Variants in PDE6B observed in about 807,000 individuals in gnomAD.
PDE6B encodes rod cGMP-specific 3',5'-cyclic phosphodiesterase subunit beta.
Under a neutral mutation model 109.0 loss-of-function variants are expected in PDE6B, and 106 were observed. That is an observed-to-expected ratio of 0.97 (90% CI 0.83 to 1.14). The LOEUF is 1.14. PDE6B is among the 50% of genes most tolerant of loss of function. The probability of loss-of-function intolerance (pLI) is 0.00; values close to 1 mark genes in which losing one functional copy is unlikely to be tolerated. For missense variants in PDE6B, 1,193 were observed against 1,155.6 expected (o/e 1.03, Z -0.47); for synonymous variants, 490 against 471.3 (o/e 1.04, Z -0.51).
chr4:641,704 T>C (rs1227668194), intron 3 of PDE6B, among the ~76,000 whole-genome samples: 3 of 152,218 alleles, frequency 2.0e-5, no homozygotes, highest in East Asian at 1.9e-4. Flanking sequence ...TAGAGTGCAG[T>C]GGTGCAATCT....
rs778485085 is a variant in PDE6B at position 664,917 on chromosome 4, C to T, written c.2166C>T (p.Ile722=). 3.1e-6 allele frequency: 5 copies of T among 1,613,188 alleles called. No individual in the cohort carries two copies. Among genetic ancestry groups the T allele is most frequent in the Non-Finnish European group, 4.2e-6 (5 of 1,179,914 alleles). The change falls in exon 18 of 22, where the codon ATC becomes ATT. Residue 722 remains isoleucine, a synonymous_variant. Transcript: ENST00000496514. ...MMMTACDLSA[I]TKPWEVQSKV... is the part of the protein sequence containing the mutation. ...TGACAGCCTGCGACCTGTCTGCCAT[C>T]ACCAAGCCCTGGGAAGTCCAGAGCA... is the stretch of plus-strand genomic sequence containing the variant.
intron 3 of PDE6B, among the ~76,000 whole-genome samples, chr4:637,823 C>T (rs146594157): frequency 2.0e-5 from 3 of 152,348 alleles, no homozygotes; most frequent in East Asian, 1.9e-4. Flanking sequence ...TCCACGACAG[C>T]GCGACACATT....
At chr4:651,939 G>GCTGGGAAGT (rs1560115538) in intron 3 of PDE6B, 1 of 155,162 alleles carries the variant, frequency 6.4e-6, no homozygotes, top group Non-Finnish European at 1.4e-5. Context: ...GGCTGGGAAG[G>GCTGGGAAGT]CTGGGAGCTT....
At chr4:658,182 G>A (rs538749031) in intron 10 of PDE6B, among the ~76,000 whole-genome samples, 2 of 144,690 alleles carry the variant, frequency 1.4e-5, no homozygotes, top group African/African-American at 5.2e-5. Context: ...TATGGTGGGG[G>A]CAAGTCGCCA....
chr4:656,163 C>A, intron 7 of PDE6B, 82 bp from the exon 8 acceptor site: 1 of 1,103,464 alleles, frequency 9.1e-7, no homozygotes, highest in Non-Finnish European at 1.4e-6. Flanking sequence ...TAAAAGCTCA[C>A]CTCAGGGCCA....
In PDE6B at chr4:633,202, A is replaced by G. The variant is rs1422722842; in HGVS notation, c.469-1475A>G. On this transcript the variant is annotated intron_variant, in intron 1 of 21. Coordinates refer to ENST00000496514, the MANE Select transcript of PDE6B (RefSeq NM_000283.4). This position sits in a 1 kb window ranked among gnomAD's most constrained non-coding sequence, Gnocchi z 4.5. ...GCAGAGATGAGCCCTCAGGGGTTGC[A>G]GGTGGTGAGATGAGCCCTCCCTCAG... is the stretch of plus-strand genomic sequence containing the variant. Among the ~76,000 whole-genome samples, 1 of 152,124 alleles carries G rather than the reference A, an allele frequency of 6.6e-6. No homozygotes were observed. The highest frequency in any genetic ancestry group is 2.4e-5 in the African/African-American group (1 of 41,414).
In PDE6B at chr4:665,386, G is replaced by T; in HGVS notation, c.2268+57G>T. On this transcript the variant is annotated intron_variant, in intron 19 of 21. Transcript: ENST00000496514. The surrounding 1 kb of genome is among the most constrained non-coding windows in gnomAD (Gnocchi z 4.0). ...GAAACGGGTGTTAGAGACCCCTCTT[G>T]GTCCTCAGGAGCCTCAGGTCCTGGC... 1.6e-6 allele frequency: 2 copies of T among 1,236,990 alleles called. No homozygotes were observed. Among genetic ancestry groups the T allele is most frequent in the Non-Finnish European group, 2.4e-6 (2 of 840,856 alleles). 76.6% of individuals were successfully genotyped at this position (1,236,990 alleles called of 1,614,324 possible).
At chr4:638,696 G>T (rs73056582) in intron 3 of PDE6B, among the ~76,000 whole-genome samples, 2,295 of 152,240 alleles carry the variant, frequency 0.015, 83 homozygotes, top group African/African-American at 0.052. Context: ...TGCTAAATTG[G>T]GGTCCCATTG....
rs374413250 is a variant in PDE6B at position 670,239 on chromosome 4, ATTTT to A, written c.*150_*153del. On this transcript the variant is annotated 3_prime_UTR_variant, in exon 22 of 22. Coordinates refer to ENST00000496514, the MANE Select transcript of PDE6B (RefSeq NM_000283.4). ...ACTGAAGATCATTCTGGATATTTTAATTTTTTTTTTTTTTTTTTTTTGAGATGGA... is the reference window on the plus strand; with the variant it reads ...ACTGAAGATCATTCTGGATATTTTAATTTTTTTTTTTTTTTTTGAGATGGA... 867 of 860,754 alleles carry A rather than the reference ATTTT, an allele frequency of 1.0e-3. No individual in the cohort carries two copies. The highest frequency in any genetic ancestry group is 1.7e-3 in the East Asian group (45 of 27,180). 53.3% of individuals were successfully genotyped at this position (860,754 alleles called of 1,614,324 possible).
In PDE6B at chr4:633,170, C is replaced by T. The variant is rs563036474; in HGVS notation, c.469-1507C>T. Among the ~76,000 whole-genome samples, 116 of 151,896 alleles carry T rather than the reference C, an allele frequency of 7.6e-4. No individual in the cohort carries two copies. Among genetic ancestry groups the T allele is most frequent in the African/African-American group, 2.4e-3 (101 of 41,422 alleles). On this transcript the variant is annotated intron_variant, in intron 1 of 21. Transcript: ENST00000496514. This position sits in a 1 kb window ranked among gnomAD's most constrained non-coding sequence, Gnocchi z 4.5. ...GGTGCAGAGATGAGCCCTCGGGGGA[C>T]GCAGGTGCAGAGATGAGCCCTCAGG...
Position 666,103 on chromosome 4 carries a change from C to G in PDE6B, c.2269-428C>G, listed in dbSNP as rs1381880248. ...AGCCCAGGGCACTCGGGGTCTGACA[C>G]TAGAAACAGCTCCAGAGCACGTCTG... On this transcript the variant is annotated intron_variant, in intron 19 of 21. Transcript: ENST00000496514. This position sits in a 1 kb window ranked among gnomAD's most constrained non-coding sequence, Gnocchi z 5.6. 1.3e-5 allele frequency among the ~76,000 whole-genome samples: 2 copies of G among 152,288 alleles called. No individual in the cohort carries two copies. The highest frequency in any genetic ancestry group is 1.9e-4 in the East Asian group (1 of 5,176).
At chr4:634,362 C>T (rs1387695537) in intron 1 of PDE6B, among the ~76,000 whole-genome samples, 1 of 152,176 alleles carries the variant, frequency 6.6e-6, no homozygotes, top group Non-Finnish European at 1.5e-5. Context: ...GGAAGCCCGA[C>T]GTGGCCGGAG....
chr4:667,841 C>G lies in PDE6B; in HGVS notation c.2353-15C>G. The G allele has an allele frequency of 6.2e-7, 1 of 1,611,876 alleles. No homozygotes were observed. Among genetic ancestry groups the G allele is most frequent in the Non-Finnish European group, 8.5e-7 (1 of 1,178,668 alleles). On this transcript the variant is annotated splice_polypyrimidine_tract_variant and intron_variant, in intron 20 of 21. Coordinates refer to ENST00000496514, the MANE Select transcript of PDE6B (RefSeq NM_000283.4). ...GGCAGGACAGGACTGGTGGTGACTT[C>G]TCGACTCCCCTCAGGAGTTCTCTCG...
chr4:659,357 C>A (rs1164029603), intron 11 of PDE6B, among the ~76,000 whole-genome samples: 1 of 152,230 alleles, frequency 6.6e-6, no homozygotes, highest in Non-Finnish European at 1.5e-5. Flanking sequence ...GACTTGGACT[C>A]TGTGTCCATC....
In PDE6B at chr4:634,846, C is replaced by G. The variant is rs374771421; in HGVS notation, c.621+17C>G. 2 of 1,612,114 alleles carry G rather than the reference C, an allele frequency of 1.2e-6. No homozygotes were observed. The highest frequency in any genetic ancestry group is 3.3e-5 in the Admixed American group (2 of 60,022). ...GACGAAGATGTGAGTGTGGGGGGCA[C>G]CTGGGCAGCCGCGCGTCTGCCTCCC... On this transcript the variant is annotated intron_variant, in intron 2 of 21. Transcript: ENST00000496514.
chr4:663,661 A>C lies in PDE6B; in HGVS notation c.1921-109A>C. ...AGGGGTCCCGCCCACCGAGGGCCCG[A>C]GGGCGGGGGCGTGAGAGGCACAGGC... On this transcript the variant is annotated intron_variant, in intron 15 of 21. Coordinates refer to ENST00000496514, the MANE Select transcript of PDE6B (RefSeq NM_000283.4). The surrounding 1 kb of genome is among the most constrained non-coding windows in gnomAD (Gnocchi z 4.0). 1 of 789,146 alleles carries C rather than the reference A, an allele frequency of 1.3e-6. No individual in the cohort carries two copies. The highest frequency in any genetic ancestry group is 2.2e-6 in the Non-Finnish European group (1 of 450,008). The allele number at this position is 789,146 out of a possible 1,614,324, so 48.9% of individuals were successfully genotyped here. A position where few individuals can be genotyped will look rare whatever the true frequency, so the allele number is the denominator to read the frequency against.
intron 8 of PDE6B, 102 bp downstream of exon 8, chr4:656,394 C>T: frequency 1.2e-6 from 1 of 845,120 alleles, no homozygotes; most frequent in Admixed American, 1.7e-5. Context: ...TAAAAAACAA[C>T]TTCAGCCAGG....
intron 1 of PDE6B, among the ~76,000 whole-genome samples, chr4:628,608 C>T (rs1734234022): frequency 6.6e-6 from 1 of 152,240 alleles, no homozygotes; most frequent in African/African-American, 2.4e-5. Context: ...CCGCTCCTCC[C>T]TGAGCTGCAA....
intron 3 of PDE6B, chr4:653,476 C>T: frequency 1.9e-6 from 1 of 535,514 alleles, no homozygotes; most frequent in South Asian, 2.1e-5. Context: ...CGTGCGGAAA[C>T]CACGGCCCGA....
Sources: allele counts gnomAD v4.1 joint callset (sites outside exome capture counted in the v4.1 genomes callset), GRCh38; gene constraint gnomAD v4.1.1; non-coding constraint Gnocchi (gnomAD v3.1); transcripts MANE v1.5; gene names NCBI Gene and HGNC (gene_info 2026-07-23, HGNC 2026-07-21).